The following RAB30 variants were observed in gnomAD, a reference collection of about 807,000 sequenced individuals.
RAB30 encodes the protein RAB30, member RAS oncogene family.
In RAB30, 9 loss-of-function variants were observed where a neutral mutation model predicts 25.1. The observed-to-expected ratio is 0.36, with a 90% confidence interval of 0.22 to 0.63. The LOEUF (loss-of-function observed/expected upper bound fraction) is 0.63, where lower values mean the gene tolerates loss of function less well. RAB30 is among the 20% of genes least tolerant of loss of function. RAB30 has a pLI of 0.69. For missense variants in RAB30, 140 were observed against 243.5 expected (o/e 0.58, Z 2.83); for synonymous variants, 77 against 86.4 (o/e 0.89, Z 0.60).
At chr11:83,016,095 G>A (rs1857430701) in intron 1 of RAB30, among the ~76,000 whole-genome samples, 1 of 152,194 alleles carries the variant, frequency 6.6e-6, no homozygotes, top group Admixed American at 6.5e-5. Context: ...CTCTGATCAT[G>A]CCACTGTACT....
At chr11:83,003,050 A>G (rs1307538484) in intron 1 of RAB30, among the ~76,000 whole-genome samples, 1 of 152,194 alleles carries the variant, frequency 6.6e-6, no homozygotes, top group East Asian at 1.9e-4. Context: ...TAAACAGGCA[A>G]CAAGGCCCCT....
intron 1 of RAB30, among the ~76,000 whole-genome samples, chr11:83,024,604 G>T (rs1857664828): frequency 6.6e-6 from 1 of 152,090 alleles, no homozygotes; most frequent in Admixed American, 6.5e-5. Flanking sequence ...ATTCAAAGAA[G>T]GAAAACATTG....
At chr11:83,006,502 G>A (rs998332169) in intron 1 of RAB30, among the ~76,000 whole-genome samples, 1 of 152,146 alleles carries the variant, frequency 6.6e-6, no homozygotes, top group Non-Finnish European at 1.5e-5. Context: ...GATATTTTTG[G>A]AATGACACAA....
At chr11:82,985,238 TA>T (rs1199099100) in intron 4 of RAB30, among the ~76,000 whole-genome samples, 1 of 152,234 alleles carries the variant, frequency 6.6e-6, no homozygotes, top group East Asian at 1.9e-4. Flanking sequence ...GTGTTGGGAT[TA>T]CAGGCATGAG....
In RAB30 at chr11:82,979,166, C is replaced by CATAA. The variant is rs2121422600; in HGVS notation, c.*2995_*2998dup. 1 of 152,234 alleles carries CATAA rather than the reference C, an allele frequency of 6.6e-6. No homozygotes were observed. The highest frequency in any genetic ancestry group is 2.1e-4 in the South Asian group (1 of 4,818). The allele number at this position is 152,234 out of a possible 1,614,324, so 9.4% of individuals were successfully genotyped here. A position where few individuals can be genotyped will look rare whatever the true frequency, so the allele number is the denominator to read the frequency against. On this transcript the variant is annotated 3_prime_UTR_variant, in exon 5 of 5. Transcript: ENST00000527633. ...TTTGAGGATGTAGTCTATACAAAGC[C>CATAA]ATAAGAAAATATCATTATCAGCAAA... is the stretch of plus-strand genomic sequence containing the variant.
In RAB30 at chr11:82,987,788, A is replaced by C. The variant is rs1388653398; in HGVS notation, c.178-18T>G. On this transcript the variant is annotated intron_variant, in intron 3 of 4. Coordinates refer to ENST00000527633, the MANE Select transcript of RAB30 (RefSeq NM_001286060.2). ...ATCTGTAGCTGTAAAGGCATAAGAT[A>C]AGAATCAGGTGAAGAAGGATCAGGT... The C allele has an allele frequency of 5.2e-6, 8 of 1,551,974 alleles. No individual in the cohort carries two copies. Among genetic ancestry groups the C allele is most frequent in the Non-Finnish European group, 7.0e-6 (8 of 1,136,412 alleles).
intron 1 of RAB30, among the ~76,000 whole-genome samples, chr11:83,023,834 A>T (rs1289983804): frequency 6.6e-6 from 1 of 152,180 alleles, no homozygotes; most frequent in Admixed American, 6.5e-5. Flanking sequence ...GCTTCAGCCC[A>T]TGCATTCTTA....
At chr11:83,050,127 G>A (rs1041961822) in intron 1 of RAB30, among the ~76,000 whole-genome samples, 10 of 152,044 alleles carry the variant, frequency 6.6e-5, no homozygotes, top group African/African-American at 1.9e-4. Flanking sequence ...GCTGGGCATG[G>A]TGGTGCATGC....
At chr11:82,992,220 G>A (rs1856864622) in intron 3 of RAB30, 1 of 439,368 alleles carries the variant, frequency 2.3e-6, no homozygotes, top group Non-Finnish European at 4.6e-6. Flanking sequence ...GCACACTCCT[G>A]TCTCTCTTTC....
chr11:82,988,649 A>C (rs967501232), intron 3 of RAB30, among the ~76,000 whole-genome samples: 6 of 152,240 alleles, frequency 3.9e-5, no homozygotes, highest in Non-Finnish European at 7.3e-5. Flanking sequence ...ACAAAGAAGA[A>C]GACAATACTT....
chr11:83,068,504 G>C (rs1858759490), intron 1 of RAB30, among the ~76,000 whole-genome samples: 1 of 152,118 alleles, frequency 6.6e-6, no homozygotes, highest in South Asian at 2.1e-4. Context: ...CATTCATCTA[G>C]TTTTTTAAAG....
In RAB30 at chr11:83,031,668, T is replaced by C. The variant is rs548922392; in HGVS notation, c.-8-34344A>G. On this transcript the variant is annotated intron_variant, in intron 1 of 4. Coordinates refer to ENST00000527633, the MANE Select transcript of RAB30 (RefSeq NM_001286060.2). ...TCAGCCTCCAGAGTAGCTGGGATTA[T>C]AGGCATGTGCCATCATACCTGGCTA... is the stretch of plus-strand genomic sequence containing the variant. Among the ~76,000 whole-genome samples the C allele has an allele frequency of 4.6e-5, 7 of 152,162 alleles. No homozygotes were observed. In the East Asian group the frequency reaches 1.2e-3, roughly 25 times the overall value.
intron 1 of RAB30, among the ~76,000 whole-genome samples, chr11:83,022,895 A>G (rs139712452): frequency 0.01 from 1,528 of 152,172 alleles, 17 homozygotes; most frequent in Middle Eastern, 0.044. Flanking sequence ...TGCTGAAATG[A>G]GAGTTTCAGG....
chr11:82,999,315 T>C (rs995037606), intron 1 of RAB30, among the ~76,000 whole-genome samples: 6 of 152,206 alleles, frequency 3.9e-5, no homozygotes, highest in African/African-American at 1.4e-4. Flanking sequence ...CAAAGGCATA[T>C]GGTATCATAA....
At chr11:83,049,235 C>A (rs946335072) in intron 1 of RAB30, among the ~76,000 whole-genome samples, 1 of 151,720 alleles carries the variant, frequency 6.6e-6, no homozygotes, top group Non-Finnish European at 1.5e-5. Context: ...CATGGTGAAA[C>A]CCCCATCTCT....
At chr11:83,030,924 T>C (rs1857842560) in intron 1 of RAB30, among the ~76,000 whole-genome samples, 1 of 152,224 alleles carries the variant, frequency 6.6e-6, no homozygotes, top group African/African-American at 2.4e-5. Flanking sequence ...GATAGAGCCA[T>C]TAAAGAGGTA....
intron 1 of RAB30, among the ~76,000 whole-genome samples, chr11:83,014,865 A>G (rs2121502806): frequency 6.6e-6 from 1 of 151,658 alleles, no homozygotes; most frequent in Middle Eastern, 3.4e-3. Context: ...AGAAAGAGGA[A>G]GGAAGGAAGG....
Position 82,987,739 on chromosome 11 carries a change from C to T in RAB30, c.209G>A (p.Arg70Lys). ...GTAACTCTGGGTAATGGACCGAAATCTCTCTTGACCTGCTGTGTCCCAGAT... is the reference window on the plus strand; with the variant it reads ...GTAACTCTGGGTAATGGACCGAAATTTCTCTTGACCTGCTGTGTCCCAGAT... ...LQIWDTAGQERFRSITQSYYR... is the reference protein window; with the variant it reads ...LQIWDTAGQEKFRSITQSYYR... Residue 70 changes from arginine (R) to lysine (K), a missense_variant, in exon 4 of 5, where the codon AGA (arginine) becomes AAA (lysine). By Grantham distance (26) the Arg-to-Lys change is conservative. Coordinates refer to ENST00000527633, the MANE Select transcript of RAB30 (RefSeq NM_001286060.2). 1 of 1,611,898 alleles carries T rather than the reference C, an allele frequency of 6.2e-7. No homozygotes were observed. Among genetic ancestry groups the T allele is most frequent in the South Asian group, 1.1e-5 (1 of 90,942 alleles).
intron 1 of RAB30, among the ~76,000 whole-genome samples, chr11:83,012,746 T>C (rs973950765): frequency 2.6e-5 from 4 of 152,166 alleles, no homozygotes; most frequent in Non-Finnish European, 5.9e-5. Flanking sequence ...ATTGTTATTG[T>C]TGGGCGAAAG....
Sources: allele counts gnomAD v4.1 joint callset (sites outside exome capture counted in the v4.1 genomes callset), GRCh38; gene constraint gnomAD v4.1.1; transcripts MANE v1.5; gene names NCBI Gene and HGNC (gene_info 2026-07-23, HGNC 2026-07-21).